RALYL: variants seen among roughly 807,000 people sequenced by gnomAD.
The protein encoded by RALYL is RNA-binding Raly-like protein.
Under a neutral mutation model 35.1 loss-of-function variants are expected in RALYL, and 29 were observed. The observed-to-expected ratio is 0.83, with a 90% CI of 0.61 to 1.13. The LOEUF is 1.13. RALYL is among the 50% of genes most tolerant of loss of function. RALYL has a pLI of 0.00. For missense variants in RALYL, 359 were observed against 360.4 expected, an observed-to-expected ratio of 1.00 and a Z score of 0.03; for synonymous variants, 120 against 127.6, an observed-to-expected ratio of 0.94 and a Z score of 0.40.
intron 3 of RALYL, among the ~76,000 whole-genome samples, chr8:84,784,573 T>C (rs1488701): frequency 0.32 from 48,002 of 152,110 alleles, 8,811 homozygotes; most frequent in African/African-American, 0.51. Flanking sequence ...TTTTTAATGT[T>C]AATTATGAAC....
At chr8:84,413,670 A>G (rs2044326154) in intron 1 of RALYL, among the ~76,000 whole-genome samples, 1 of 152,092 alleles carries the variant, frequency 6.6e-6, no homozygotes, top group Admixed American at 6.5e-5. Flanking sequence ...GTGCCAAGTT[A>G]TTATAACTAC....
intron 2 of RALYL, among the ~76,000 whole-genome samples, chr8:84,542,777 A>T (rs2060105814): frequency 1.3e-5 from 2 of 152,164 alleles, no homozygotes; most frequent in African/African-American, 4.8e-5. Context: ...TATCTCACTG[A>T]ATATAATTGC....
intron 8 of RALYL, among the ~76,000 whole-genome samples, chr8:84,888,592 C>T (rs1449806350): frequency 6.6e-6 from 1 of 152,050 alleles, no homozygotes; most frequent in African/African-American, 2.4e-5. Flanking sequence ...AATCAGGTTC[C>T]AGTTTAATAC....
At chr8:84,295,251 G>T (rs61661019) in intron 1 of RALYL, among the ~76,000 whole-genome samples, 3 of 152,000 alleles carry the variant, frequency 2.0e-5, no homozygotes, top group Non-Finnish European at 4.4e-5. Context: ...AACTAAGACC[G>T]TTTGAAGCAG....
At chr8:84,314,156 C>A (rs1171742397) in intron 1 of RALYL, among the ~76,000 whole-genome samples, 1 of 152,004 alleles carries the variant, frequency 6.6e-6, no homozygotes, top group Non-Finnish European at 1.5e-5. Context: ...TATCAAACAA[C>A]CAGATCCTAT....
intron 1 of RALYL, among the ~76,000 whole-genome samples, chr8:84,325,132 G>T (rs1426978181): frequency 1.3e-5 from 2 of 152,196 alleles, no homozygotes; most frequent in Admixed American, 1.3e-4. Flanking sequence ...TTCAGTGGAG[G>T]TCACCAAGTC....
At chr8:84,324,591 G>GT (rs145127532) in intron 1 of RALYL, among the ~76,000 whole-genome samples, 3,967 of 151,188 alleles carry the variant, frequency 0.026, 85 homozygotes, top group Non-Finnish European at 0.031. Context: ...GTAAATAGTT[G>GT]TGTTTTTTTT....
At chr8:84,285,851 G>T (rs936283985) in intron 1 of RALYL, among the ~76,000 whole-genome samples, 2 of 152,194 alleles carry the variant, frequency 1.3e-5, no homozygotes, top group African/African-American at 4.8e-5. Context: ...CTTTTACTAA[G>T]TGAGAGTGGA....
intron 3 of RALYL, among the ~76,000 whole-genome samples, chr8:84,797,078 A>C (rs1342896681): frequency 6.6e-6 from 1 of 152,214 alleles, no homozygotes; most frequent in African/African-American, 2.4e-5. Flanking sequence ...TTTGGCTCAC[A>C]GTTCTAGAGA....
chr8:84,252,699 G>C (rs1422388206), intron 1 of RALYL, among the ~76,000 whole-genome samples: 1 of 152,062 alleles, frequency 6.6e-6, no homozygotes, highest in African/African-American at 2.4e-5. Flanking sequence ...CACATGACCT[G>C]CTTTTCTCTA....
rs549320603 is a variant in RALYL at position 84,252,611 on chromosome 8, C to A, written c.-24+68187C>A. Among the ~76,000 whole-genome samples the A allele has an allele frequency of 3.3e-5, 5 of 152,200 alleles. No homozygotes were observed. In the East Asian group the frequency reaches 5.8e-4, roughly 18 times the overall value. On this transcript the variant is annotated intron_variant, in intron 1 of 8. Coordinates refer to ENST00000521268, the MANE Select transcript of RALYL (RefSeq NM_173848.7). The stretch of plus-strand genomic sequence containing the variant: ...GCCATTTAGGGTCACAGATAGCTAG[C>A]GTTCCTGTAGACATTGCTTGCGTGA...
At chr8:84,501,748 C>T (rs145439789) in intron 1 of RALYL, among the ~76,000 whole-genome samples, 3,343 of 151,260 alleles carry the variant, frequency 0.022, 57 homozygotes, top group Non-Finnish European at 0.034. Context: ...GGATGGCTCA[C>T]AAATGGCAAT....
chr8:84,599,943 A>G (rs923427890), intron 2 of RALYL, among the ~76,000 whole-genome samples: 2 of 136,038 alleles, frequency 1.5e-5, no homozygotes, highest in East Asian at 2.2e-4. Flanking sequence ...TTCTGCCATT[A>G]TCTGTAAAAG....
chr8:84,372,694 TA>T (rs1193354428), intron 1 of RALYL, among the ~76,000 whole-genome samples: 1 of 151,862 alleles, frequency 6.6e-6, no homozygotes, highest in Non-Finnish European at 1.5e-5. Flanking sequence ...ACCTTGTCTC[TA>T]AAAAATAAAT....
intron 1 of RALYL, among the ~76,000 whole-genome samples, chr8:84,499,921 A>G (rs536530576): frequency 6.6e-6 from 1 of 151,674 alleles, no homozygotes; most frequent in African/African-American, 2.4e-5. Flanking sequence ...TGCCCGACCA[A>G]TTTTCTCTAT....
chr8:84,514,794 T>C lies in RALYL; in HGVS notation c.-23-14505T>C, dbSNP rs529880727. ...TTGTGAGTAGACTTTGTGTTGTATG[T>C]GGATTGTTGCTTGTAGGTGTGGGCC... On this transcript the variant is annotated intron_variant, in intron 1 of 8. Transcript: ENST00000521268. Among the ~76,000 whole-genome samples the C allele has an allele frequency of 1.7e-4, 26 of 152,302 alleles. No homozygotes were observed. In the South Asian group the frequency reaches 4.8e-3, roughly 28 times the overall value.
chr8:84,913,044 A>AGG (rs1563856746), intron 8 of RALYL, among the ~76,000 whole-genome samples: 4,361 of 49,360 alleles, frequency 0.088, 107 homozygotes, highest in Non-Finnish European at 0.15. Flanking sequence ...AGGTAGGTAG[A>AGG]TAGATAGATA....
intron 2 of RALYL, among the ~76,000 whole-genome samples, chr8:84,567,970 T>G (rs572204856): frequency 6.6e-6 from 1 of 151,832 alleles, no homozygotes; most frequent in Non-Finnish European, 1.5e-5. Context: ...TGTTGAGCAT[T>G]CTTTTCATGT....
intron 1 of RALYL, among the ~76,000 whole-genome samples, chr8:84,453,432 T>A (rs2049746931): frequency 6.6e-6 from 1 of 151,996 alleles, no homozygotes; most frequent in Admixed American, 6.6e-5. Context: ...ATTGATTTAT[T>A]TGTCCAGTTA....
Sources: gnomAD v4.1 joint callset for allele counts (sites outside exome capture counted in the v4.1 genomes callset) on GRCh38, gnomAD v4.1.1 for gene constraint, MANE v1.5 for transcripts, NCBI Gene and HGNC (gene_info 2026-07-23, HGNC 2026-07-21) for gene names.